The following SLC6A11 variants were observed in gnomAD, a reference collection of about 807,000 sequenced individuals.
SLC6A11 encodes the protein sodium- and chloride-dependent GABA transporter 3.
In SLC6A11, 25 loss-of-function variants were observed where a neutral mutation model predicts 74.8. The observed-to-expected ratio is 0.33, with a 90% CI of 0.24 to 0.47. The LOEUF (loss-of-function observed/expected upper bound fraction) is 0.47. Among genes scored for constraint, SLC6A11 ranks in the 20% least tolerant of loss-of-function variants. SLC6A11 has a pLI of 1.00. For missense variants in SLC6A11, 574 were observed against 837.0 expected (o/e 0.69, Z 3.88); for synonymous variants, 330 against 330.2 (o/e 1.00, Z 0.01).
intron 4 of SLC6A11, among the ~76,000 whole-genome samples, chr3:10,841,193 T>A (rs563163794): frequency 1.3e-5 from 2 of 152,192 alleles, no homozygotes; most frequent in Non-Finnish European, 2.9e-5. Flanking sequence ...CCCTGAACAG[T>A]GTCGGGGGAG....
At chr3:10,838,086 G>T (rs2106581698) in intron 4 of SLC6A11, among the ~76,000 whole-genome samples, 1 of 152,368 alleles carries the variant, frequency 6.6e-6, no homozygotes, top group East Asian at 1.9e-4. Context: ...GCAGGTTAAA[G>T]AAAGGTGATC....
rs1004940601 is a variant in SLC6A11, at chr3:10,837,701, G to A, written c.624-6513G>A. On this transcript the variant is annotated intron_variant, in intron 4 of 13. Coordinates refer to ENST00000254488, the MANE Select transcript of SLC6A11 (RefSeq NM_014229.3). ...CCGTAAGTTCCCTGAGGGTGGAACA[G>A]CCTGCTTATTCATCACTGTAGCGTG... Among the ~76,000 whole-genome samples the A allele has an allele frequency of 2.0e-5, 3 of 152,346 alleles. No individual in the cohort carries two copies. The Middle Eastern group carries it at 0.01, about 518-fold the overall frequency.
At chr3:10,903,118 C>T (rs975086422) in intron 6 of SLC6A11, among the ~76,000 whole-genome samples, 2 of 152,136 alleles carry the variant, frequency 1.3e-5, no homozygotes, top group African/African-American at 4.8e-5. Context: ...GTTAATGCTG[C>T]ATTTGTCAAA....
intron 5 of SLC6A11, among the ~76,000 whole-genome samples, chr3:10,856,805 C>A (rs1256732179): frequency 6.6e-6 from 1 of 152,176 alleles, no homozygotes; most frequent in Admixed American, 6.5e-5. Context: ...ACCAGGCAGG[C>A]CCCGGTCTGA....
chr3:10,926,778 A>G lies in SLC6A11; in HGVS notation c.1233+662A>G, dbSNP rs1328279729. On this transcript the variant is annotated intron_variant, in intron 9 of 13. Coordinates refer to ENST00000254488, the MANE Select transcript of SLC6A11 (RefSeq NM_014229.3). The surrounding 1 kb of genome is among the most constrained non-coding windows in gnomAD (Gnocchi z 5.7). ...CAGCACGCAGGCGCTCGCTTCCCGC[A>G]CTGAGCACACTCCAGACTCCCATCC... 2.6e-5 allele frequency among the ~76,000 whole-genome samples: 4 copies of G among 151,992 alleles called. No homozygotes were observed. The highest frequency in any genetic ancestry group is 7.3e-5 in the African/African-American group (3 of 41,368).
Position 10,866,220 on chromosome 3 carries a change from A to G in SLC6A11, c.757-8741A>G, listed in dbSNP as rs926684177. Among the ~76,000 whole-genome samples the G allele has an allele frequency of 4.6e-5, 7 of 152,208 alleles. 1 individual carries two copies. In the South Asian group the frequency reaches 1.4e-3, roughly 32 times the overall value. ...CCATGGGAAGGGCAAGAAAGGAAGGATGGGTTACAGCCCTTCCCTTTAAGG... is the reference window on the plus strand; with the variant it reads ...CCATGGGAAGGGCAAGAAAGGAAGGGTGGGTTACAGCCCTTCCCTTTAAGG... On this transcript the variant is annotated intron_variant, in intron 5 of 13. Transcript: ENST00000254488.
At chr3:10,877,427 C>G (rs1205634632) in intron 6 of SLC6A11, among the ~76,000 whole-genome samples, 2 of 152,220 alleles carry the variant, frequency 1.3e-5, no homozygotes, top group African/African-American at 4.8e-5. Context: ...GGTATGCAGA[C>G]TGTGTTCCTT....
rs1342914367 is a variant in SLC6A11 at position 10,816,279 on chromosome 3, A to T, written c.14A>T (p.Lys5Met). The change falls in exon 1 of 14, where the codon AAG (lysine) becomes ATG (methionine). Residue 5 changes from lysine to methionine, a missense_variant. Coordinates refer to ENST00000254488, the MANE Select transcript of SLC6A11 (RefSeq NM_014229.3). This position sits in a 1 kb window ranked among gnomAD's most constrained non-coding sequence, Gnocchi z 4.2. MTAE[K>M]ALPLGNGKAA... ...GCCAGCGCGGCCATGACGGCGGAGA[A>T]GGCGCTGCCCCTGGGCAATGGGAAG... 2 of 1,351,360 alleles carry T rather than the reference A, an allele frequency of 1.5e-6. No individual in the cohort carries two copies. Among genetic ancestry groups the T allele is most frequent in the Non-Finnish European group, 1.9e-6 (2 of 1,052,546 alleles). 83.7% of individuals were successfully genotyped at this position (1,351,360 alleles called of 1,614,324 possible).
At chr3:10,923,052 T>C (rs1279730204) in intron 8 of SLC6A11, among the ~76,000 whole-genome samples, 1 of 152,104 alleles carries the variant, frequency 6.6e-6, no homozygotes, top group East Asian at 1.9e-4. Context: ...TTTATTGGAA[T>C]TGGAAGTATC....
At chr3:10,914,434 G>C (rs768702422) in intron 7 of SLC6A11, among the ~76,000 whole-genome samples, 1 of 152,234 alleles carries the variant, frequency 6.6e-6, no homozygotes, top group African/African-American at 2.4e-5. Flanking sequence ...CAGTGGCACA[G>C]CCTATAGAGT....
intron 4 of SLC6A11, among the ~76,000 whole-genome samples, chr3:10,837,650 C>T (rs906139797): frequency 4.6e-5 from 7 of 152,188 alleles, no homozygotes; most frequent in Non-Finnish European, 7.3e-5. Context: ...TGTAACGGTC[C>T]TTGTTGACAC....
chr3:10,852,435 C>G (rs1376060261), intron 5 of SLC6A11, among the ~76,000 whole-genome samples: 1 of 152,240 alleles, frequency 6.6e-6, no homozygotes, highest in East Asian at 1.9e-4. Context: ...CCTTGAATGA[C>G]AGGGCTTCAC....
In SLC6A11 at chr3:10,938,438, T is replaced by C. The variant is rs2124826484; in HGVS notation, c.*36T>C. 1.3e-6 allele frequency: 2 copies of C among 1,555,874 alleles called. No homozygotes were observed. The highest frequency in any genetic ancestry group is 1.7e-6 in the Non-Finnish European group (2 of 1,142,956). On this transcript the variant is annotated 3_prime_UTR_variant, in exon 14 of 14. Coordinates refer to ENST00000254488, the MANE Select transcript of SLC6A11 (RefSeq NM_014229.3). ...GCCATCTGGGGCTCTTCTTCCTTTC[T>C]TCCCCCCGTGTATGTAAATGAATTC...
chr3:10,882,819 C>T (rs1166729247), intron 6 of SLC6A11, among the ~76,000 whole-genome samples: 5 of 152,212 alleles, frequency 3.3e-5, no homozygotes, highest in Non-Finnish European at 7.3e-5. Flanking sequence ...CCCTTGACCT[C>T]TCTGGGCTCC....
rs2106567342 is a variant in SLC6A11, at chr3:10,816,261, C to T, written c.-5C>T. On this transcript the variant is annotated 5_prime_UTR_variant, in exon 1 of 14. Coordinates refer to ENST00000254488, the MANE Select transcript of SLC6A11 (RefSeq NM_014229.3). The surrounding 1 kb of genome is among the most constrained non-coding windows in gnomAD (Gnocchi z 4.2). ...GGGCCGGCGCACGAGGCAGCCAGCG[C>T]GGCCATGACGGCGGAGAAGGCGCTG... 3.8e-6 allele frequency: 5 copies of T among 1,325,630 alleles called. No homozygotes were observed. The African/African-American group carries it at 4.7e-5, about 12-fold the overall frequency. The allele number at this position is 1,325,630 out of a possible 1,614,324, so 82.1% of individuals were successfully genotyped here.
intron 4 of SLC6A11, among the ~76,000 whole-genome samples, chr3:10,826,562 T>C (rs539418685): frequency 7.9e-5 from 12 of 152,254 alleles, no homozygotes; most frequent in Non-Finnish European, 1.2e-4. Context: ...ATTTGTATAA[T>C]GTATTTGTTC....
intron 4 of SLC6A11, among the ~76,000 whole-genome samples, chr3:10,833,124 C>T (rs1239451341): frequency 2.6e-5 from 4 of 152,162 alleles, no homozygotes; most frequent in Non-Finnish European, 5.9e-5. Flanking sequence ...TGCAATGGTA[C>T]AATCTCAGCT....
At chr3:10,873,850 A>C (rs918639120) in intron 5 of SLC6A11, among the ~76,000 whole-genome samples, 1 of 152,128 alleles carries the variant, frequency 6.6e-6, no homozygotes, top group Non-Finnish European at 1.5e-5. Context: ...CTGCTCTGCT[A>C]TGCTATGCTA....
At chr3:10,934,569 C>T (rs893497109) in intron 12 of SLC6A11, among the ~76,000 whole-genome samples, 6 of 152,226 alleles carry the variant, frequency 3.9e-5, no homozygotes, top group African/African-American at 9.6e-5. Flanking sequence ...CGGACCACAG[C>T]GGGGCCTTTG....
Sources: allele counts gnomAD v4.1 joint callset (sites outside exome capture counted in the v4.1 genomes callset), GRCh38; gene constraint gnomAD v4.1.1; non-coding constraint Gnocchi (gnomAD v3.1); transcripts MANE v1.5; gene names NCBI Gene and HGNC (gene_info 2026-07-23, HGNC 2026-07-21).